CCL24: variants seen among roughly 807,000 people sequenced by gnomAD.
The protein encoded by CCL24 is C-C motif chemokine 24.
CCL24 carries 6 observed loss-of-function variants against 8.6 expected under a neutral mutation model. The observed-to-expected ratio is 0.70, with a 90% confidence interval of 0.38 to 1.38. CCL24 has a LOEUF of 1.38. Ranked by LOEUF, CCL24 falls within the 40% of genes most tolerant of loss-of-function variation. The probability of loss-of-function intolerance (pLI) is 0.02; values close to 1 mark genes in which losing one functional copy is unlikely to be tolerated. For synonymous variants in CCL24, 59 were observed against 52.7 expected (o/e 1.12, Z -0.52); for missense variants, 126 against 147.1 (o/e 0.86, Z 0.74).
rs782072710 is a variant in CCL24, at chr7:75,811,751, C to T, written c.*45G>A. 17 of 1,553,404 alleles carry T rather than the reference C, an allele frequency of 1.1e-5. No homozygotes were observed. The African/African-American group carries it at 2.2e-4, about 20-fold the overall frequency. ...CTTCTCCAGGCCCCGAGTAGCCCGC[C>T]AAGCAGCTCAGGCCCAAACTCAGGG... is the stretch of plus-strand genomic sequence containing the variant. On this transcript the variant is annotated 3_prime_UTR_variant, in exon 3 of 3. Coordinates refer to ENST00000222902, the MANE Select transcript of CCL24 (RefSeq NM_002991.3).
Position 75,811,715 on chromosome 7 carries a change from C to T in CCL24, c.*81G>A. On this transcript the variant is annotated 3_prime_UTR_variant, in exon 3 of 3. Transcript: ENST00000222902. ...AAACAGGAAAATTAGCTCTTCCCCC[C>T]ATCACTGTGGCTTCTCCAGGCCCCG... 1 of 1,268,442 alleles carries T rather than the reference C, an allele frequency of 7.9e-7. No individual in the cohort carries two copies. The highest frequency in any genetic ancestry group is 1.1e-6 in the Non-Finnish European group (1 of 908,696). 78.6% of individuals were successfully genotyped at this position (1,268,442 alleles called of 1,614,324 possible).
upstream of CCL24, among the ~76,000 whole-genome samples, chr7:75,818,446 CAAA>C (rs782549486): frequency 7.1e-5 from 5 of 70,090 alleles, no homozygotes; most frequent in Admixed American, 1.7e-4. Flanking sequence ...GACTCCGTCT[CAAA>C]AAAAAAAAAA....
chr7:75,813,210 C>G (rs1243400271), intron 2 of CCL24, 96 bp downstream of exon 2: 2 of 703,696 alleles, frequency 2.8e-6, no homozygotes, highest in African/African-American at 1.7e-5. Flanking sequence ...TCCAGGGATG[C>G]ACAGAGCTGG....
chr7:75,812,024 T>A, intron 2 of CCL24, 60 bp from the exon 3 acceptor site: 1 of 1,449,608 alleles, frequency 6.9e-7, no homozygotes. Context: ...GCCACTCCAC[T>A]TCATGGCGGG....
intron 2 of CCL24, among the ~76,000 whole-genome samples, chr7:75,812,327 C>T (rs1488061149): frequency 1.3e-5 from 2 of 152,040 alleles, no homozygotes; most frequent in African/African-American, 2.4e-5. Flanking sequence ...CCTTAAGCAA[C>T]CCTCCTGCCT....
chr7:75,813,612 C>A, intron 1 of CCL24, 31 bp downstream of exon 1: 1 of 1,587,676 alleles, frequency 6.3e-7, no homozygotes, highest in East Asian at 2.2e-5. Context: ...CCAGCCATGC[C>A]CTTGGAACTG....
Position 75,819,311 on chromosome 7 carries a change from T to C in CCL24, c.-60+4011A>G, listed in dbSNP as rs1455364825. On this transcript the variant is annotated intron_variant, in intron 1 of 3. Coordinates refer to the CCL24 transcript ENST00000416943. ...AAAAAAAAAAAAAAAAAAATATATA[T>C]ATATATATATATATATATATATATA... Among the ~76,000 whole-genome samples the C allele has an allele frequency of 7.5e-4, 13 of 17,290 alleles. 2 individuals are homozygous for C. The East Asian group carries it at 0.04, about 53-fold the overall frequency. 11.3% of individuals were successfully genotyped at this position (17,290 alleles called of 152,430 possible).
chr7:75,813,314 T>C lies in CCL24; in HGVS notation c.183A>G (p.Ala61=). ...QLSSRSTCLK[A]GVIFTTKKGQ... Reference sequence around the variant, plus strand: ...CCATGAAGGATACCTACATCACTCCTGCCTTGAGGCATGTGCTCCTGCTGG... The same window carrying C: ...CCATGAAGGATACCTACATCACTCCCGCCTTGAGGCATGTGCTCCTGCTGG... The change falls in exon 2 of 3, where the codon GCA becomes GCG. Residue 61 remains alanine, a synonymous_variant. Transcript: ENST00000222902. 6.2e-7 allele frequency: 1 copy of C among 1,600,816 alleles called. No homozygotes were observed. The highest frequency in any genetic ancestry group is 8.6e-7 in the Non-Finnish European group (1 of 1,168,388).
Position 75,811,188 on chromosome 7 carries a change from G to A in CCL24, c.*608C>T, listed in dbSNP as rs1278815658. On this transcript the variant is annotated 3_prime_UTR_variant, in exon 3 of 3. Coordinates refer to ENST00000222902, the MANE Select transcript of CCL24 (RefSeq NM_002991.3). ...ATGATTTTTTTTTTTCAACATAAAA[G>A]TTTGAGTAGGCTGGGTGTGGTGGCT... Among the ~76,000 whole-genome samples, 1 of 150,530 alleles carries A rather than the reference G, an allele frequency of 6.6e-6. No homozygotes were observed. Among genetic ancestry groups the A allele is most frequent in the Non-Finnish European group, 1.5e-5 (1 of 67,700 alleles).
intron 1 of CCL24, among the ~76,000 whole-genome samples, chr7:75,821,859 C>T (rs1204851381): frequency 2.7e-5 from 4 of 148,218 alleles, no homozygotes; most frequent in Non-Finnish European, 4.5e-5. Flanking sequence ...ACCCGGGAGG[C>T]GGAGCTTGCA....
In CCL24 at chr7:75,811,984, G is replaced by A; in HGVS notation, c.192-20C>T. The A allele has an allele frequency of 6.2e-7, 1 of 1,607,112 alleles. No homozygotes were observed. Among genetic ancestry groups the A allele is most frequent in the South Asian group, 1.1e-5 (1 of 90,658 alleles). On this transcript the variant is annotated intron_variant, in intron 2 of 2. Coordinates refer to ENST00000222902, the MANE Select transcript of CCL24 (RefSeq NM_002991.3). ...GTGAAGCTGTGGAAGAAAGGGACAGGGGATCAGCTGAGGTCGACAGGGACC... is the reference window on the plus strand; with the variant it reads ...GTGAAGCTGTGGAAGAAAGGGACAGAGGATCAGCTGAGGTCGACAGGGACC...
chr7:75,820,025 CTTCTTCTTCTTCTTCTTCTTCT>C lies in CCL24; in HGVS notation c.-60+3275_-60+3296del, dbSNP rs1803994588. ...AAGGGCTTTTAGTAAACTACTTCTTCTTCTTCTTCTTCTTCTTCTTCTTCTTCTTCTTCTTCTTCTTCTTCTT... is the reference window on the plus strand; with the variant it reads ...AAGGGCTTTTAGTAAACTACTTCTTCTCTTCTTCTTCTTCTTCTTCTTCTT... On this transcript the variant is annotated intron_variant, in intron 1 of 3. Transcript: ENST00000416943. Among the ~76,000 whole-genome samples, 4 of 104,900 alleles carry C rather than the reference CTTCTTCTTCTTCTTCTTCTTCT, an allele frequency of 3.8e-5. No homozygotes were observed. The South Asian group carries it at 1.3e-3, about 35-fold the overall frequency. 68.8% of individuals were successfully genotyped at this position (104,900 alleles called of 152,430 possible).
At chr7:75,817,506 A>ATT (rs35946971), upstream of CCL24, among the ~76,000 whole-genome samples, 23,112 of 143,482 alleles carry the variant, frequency 0.16, 2,420 homozygotes, top group East Asian at 0.46. Context: ...AAAATATCCA[A>ATT]TTTTTTTTTT....
chr7:75,820,400 C>T (rs768422884), intron 1 of CCL24, among the ~76,000 whole-genome samples: 11 of 152,164 alleles, frequency 7.2e-5, no homozygotes, highest in Non-Finnish European at 1.6e-4. Context: ...AGACTGGTCT[C>T]GAACTCCTGG....
intron 1 of CCL24, among the ~76,000 whole-genome samples, chr7:75,819,297 AAAAAAAATATATATATATATATATAT>A (rs1803970111): frequency 7.1e-5 from 1 of 14,172 alleles, no homozygotes; most frequent in Non-Finnish European, 1.4e-4. Flanking sequence ...AAAAAAAAAA[AAAAAAAATATATATATATATATATAT>A]ATATATATAT....
At chr7:75,820,650 C>A (rs1433626859) in intron 1 of CCL24, among the ~76,000 whole-genome samples, 1 of 139,088 alleles carries the variant, frequency 7.2e-6, no homozygotes, top group Admixed American at 7.2e-5. Flanking sequence ...TCTACCCACT[C>A]ATCCACCCAT....
upstream of CCL24, among the ~76,000 whole-genome samples, chr7:75,817,302 A>G (rs1554534271): frequency 6.6e-6 from 1 of 151,748 alleles, no homozygotes; most frequent in Non-Finnish European, 1.5e-5. Context: ...TTGGGGGGAG[A>G]AAGGATGGTC....
intron 1 of CCL24, among the ~76,000 whole-genome samples, chr7:75,820,078 TCTTCTTCTTCCTCTTCTTCTTCTTCTTC>T (rs1554534824): frequency 2.1e-5 from 3 of 142,896 alleles, no homozygotes; most frequent in South Asian, 2.4e-4. Flanking sequence ...TTCTTCTTCT[TCTTCTTCTTCCTCTTCTTCTTCTTCTTC>T]CTTCTTCTTC....
intron 1 of CCL24, among the ~76,000 whole-genome samples, chr7:75,820,023 T>C (rs35033400): frequency 0.045 from 4,084 of 91,374 alleles, 87 homozygotes; most frequent in South Asian, 0.073. Context: ...AAACTACTTC[T>C]TCTTCTTCTT....
Sources: gnomAD v4.1 joint callset for allele counts (sites outside exome capture counted in the v4.1 genomes callset) on GRCh38, gnomAD v4.1.1 for gene constraint, MANE v1.5 for transcripts, NCBI Gene and HGNC (gene_info 2026-07-23, HGNC 2026-07-21) for gene names.